The following EHBP1 variants were observed in gnomAD, a reference collection of about 807,000 sequenced individuals.
The protein encoded by EHBP1 is EH domain binding protein 1, also known as EH domain-binding protein 1.
In EHBP1, 55 loss-of-function variants were observed where a neutral mutation model predicts 144.0. That is an observed-to-expected ratio of 0.38 (90% CI 0.31 to 0.48). The LOEUF (loss-of-function observed/expected upper bound fraction) is 0.48. Among genes scored for constraint, EHBP1 ranks in the 20% least tolerant of loss-of-function variants. The pLI is 0.98. For synonymous variants in EHBP1, 469 were observed against 472.7 expected (o/e 0.99, Z 0.10); for missense variants, 1,200 against 1,364.2 (o/e 0.88, Z 1.90).
chr2:63,033,587 T>C (rs1025160968), intron 19 of EHBP1, among the ~76,000 whole-genome samples: 1 of 152,186 alleles, frequency 6.6e-6, no homozygotes, highest in South Asian at 2.1e-4. Context: ...TAGATAATTT[T>C]ATGGTGAAAG....
chr2:62,837,972 G>T (rs1285165695), intron 7 of EHBP1, among the ~76,000 whole-genome samples: 2 of 147,018 alleles, frequency 1.4e-5, no homozygotes, highest in Non-Finnish European at 3.0e-5. Flanking sequence ...ATTGAACTCA[G>T]CTCTGCACCA....
intron 10 of EHBP1, among the ~76,000 whole-genome samples, chr2:62,904,839 A>C (rs2053674327): frequency 6.6e-6 from 1 of 152,150 alleles, no homozygotes; most frequent in African/African-American, 2.4e-5. Context: ...TTCATGCTAA[A>C]GATTTCTAGT....
At chr2:62,923,165 C>G (rs1009211347) in intron 10 of EHBP1, among the ~76,000 whole-genome samples, 1 of 152,168 alleles carries the variant, frequency 6.6e-6, no homozygotes, top group African/African-American at 2.4e-5. Context: ...TCCTCCAAAC[C>G]TACACCAGTG....
intron 14 of EHBP1, among the ~76,000 whole-genome samples, chr2:62,968,887 T>C (rs1222014351): frequency 6.6e-6 from 1 of 152,204 alleles, no homozygotes; most frequent in African/African-American, 2.4e-5. Context: ...TGGCAGTGCA[T>C]TTGTTGGGCC....
chr2:62,916,997 T>G (rs1008187227), intron 10 of EHBP1, among the ~76,000 whole-genome samples: 5 of 152,046 alleles, frequency 3.3e-5, no homozygotes. Context: ...ACTTAATGAT[T>G]GGGATACATT....
intron 7 of EHBP1, among the ~76,000 whole-genome samples, chr2:62,858,125 C>T (rs1456753664): frequency 6.6e-6 from 1 of 152,086 alleles, no homozygotes; most frequent in African/African-American, 2.4e-5. Flanking sequence ...AAACCAGTGT[C>T]AACTTCTCGG....
intron 1 of EHBP1, among the ~76,000 whole-genome samples, chr2:62,680,528 G>A (rs564909005): frequency 4.5e-4 from 68 of 152,282 alleles, no homozygotes; most frequent in African/African-American, 1.6e-3. Context: ...AAAAGGGAAG[G>A]TGGGCACTTA....
At chr2:62,707,501 G>GTAAT (rs1424012691) in intron 2 of EHBP1, among the ~76,000 whole-genome samples, 4 of 152,194 alleles carry the variant, frequency 2.6e-5, no homozygotes, top group Non-Finnish European at 5.9e-5. Context: ...CTGCGCTTCA[G>GTAAT]TATGGCTCAG....
intron 1 of EHBP1, among the ~76,000 whole-genome samples, chr2:62,679,804 C>A (rs950021447): frequency 1.3e-5 from 2 of 152,178 alleles, no homozygotes; most frequent in Non-Finnish European, 1.5e-5. Context: ...AAGGTTAAAT[C>A]CCAAACCATC....
At chr2:62,802,852 A>G (rs1358456496) in intron 5 of EHBP1, among the ~76,000 whole-genome samples, 1 of 151,398 alleles carries the variant, frequency 6.6e-6, no homozygotes, top group South Asian at 2.1e-4. Flanking sequence ...AACCTCCCCA[A>G]TAGCTGGGAT....
intron 6 of EHBP1, among the ~76,000 whole-genome samples, chr2:62,830,019 C>G (rs1461561268): frequency 1.3e-5 from 2 of 150,786 alleles, no homozygotes; most frequent in Non-Finnish European, 2.9e-5. Context: ...TAAGTTATTA[C>G]AGGAAAAAGA....
chr2:62,790,985 G>C (rs2043132196), intron 5 of EHBP1, among the ~76,000 whole-genome samples: 1 of 151,988 alleles, frequency 6.6e-6, no homozygotes, highest in Admixed American at 6.6e-5. Flanking sequence ...ATAGATGTGG[G>C]TTTCTGGATT....
chr2:62,735,564 A>G (rs1573032632), intron 2 of EHBP1, among the ~76,000 whole-genome samples: 1 of 152,200 alleles, frequency 6.6e-6, no homozygotes, highest in East Asian at 1.9e-4. Flanking sequence ...TGTTAGATCA[A>G]TTAGGTATGA....
chr2:62,718,353 A>G (rs962568855), intron 2 of EHBP1, among the ~76,000 whole-genome samples: 4 of 152,252 alleles, frequency 2.6e-5, no homozygotes, highest in Admixed American at 2.6e-4. Context: ...AATTAAATGT[A>G]AAATTCAGTT....
chr2:62,806,971 T>A (rs1270689728), intron 5 of EHBP1, among the ~76,000 whole-genome samples: 1 of 152,184 alleles, frequency 6.6e-6, no homozygotes, highest in African/African-American at 2.4e-5. Context: ...AGGGATTGGT[T>A]CCAGGACCCC....
At chr2:62,879,749 G>A (rs576726395) in intron 10 of EHBP1, among the ~76,000 whole-genome samples, 9 of 151,934 alleles carry the variant, frequency 5.9e-5, no homozygotes, top group South Asian at 4.2e-4. Flanking sequence ...CTCATGGATC[G>A]GAAAAATCAA....
chr2:62,916,155 TAA>T (rs895729094), intron 10 of EHBP1, among the ~76,000 whole-genome samples: 103 of 152,180 alleles, frequency 6.8e-4, no homozygotes, highest in African/African-American at 2.2e-3. Flanking sequence ...ATCTTGTCTC[TAA>T]AATAATAGAA....
rs748923200 is a variant in EHBP1 at position 62,979,207 on chromosome 2, G to A, written c.2480G>A (p.Arg827His). The change falls in exon 15 of 23, where the codon CGT (arginine) becomes CAT (histidine). Residue 827 changes from arginine to histidine, a missense_variant. Physicochemically the swap from Arg to His is conservative, Grantham distance 29. Transcript: ENST00000431489. ...TCTTAGCAGCAAGATGAAGAGCGACGTCGGCAGCTGAGAGAGAGAGCTCGT... is the reference window on the plus strand; with the variant it reads ...TCTTAGCAGCAAGATGAAGAGCGACATCGGCAGCTGAGAGAGAGAGCTCGT... ...QLSDQQDEERRRQLRERARQL... is the reference protein window; with the variant it reads ...QLSDQQDEERHRQLRERARQL... 4 of 1,613,076 alleles carry A rather than the reference G, an allele frequency of 2.5e-6. No individual in the cohort carries two copies. The highest frequency in any genetic ancestry group is 2.2e-5 in the East Asian group (1 of 44,872).
At chr2:62,969,907 C>T (rs546782791) in intron 14 of EHBP1, among the ~76,000 whole-genome samples, 2 of 152,258 alleles carry the variant, frequency 1.3e-5, no homozygotes, top group Non-Finnish European at 2.9e-5. Flanking sequence ...ATCTGCTAAA[C>T]AGTTTTAATG....
Sources: allele counts gnomAD v4.1 joint callset (sites outside exome capture counted in the v4.1 genomes callset), GRCh38; gene constraint gnomAD v4.1.1; transcripts MANE v1.5; gene names NCBI Gene and HGNC (gene_info 2026-07-23, HGNC 2026-07-21).